The following ACTR3C variants were observed in gnomAD, a reference collection of about 807,000 sequenced individuals.
ACTR3C encodes actin-related protein 3C.
Under a neutral mutation model 26.3 loss-of-function variants are expected in ACTR3C, and 18 were observed. The ratio of observed to expected loss-of-function variants is 0.68; its 90% CI spans 0.47 to 1.01. The LOEUF is 1.01. ACTR3C is among the 50% of genes least tolerant of loss of function. The pLI is 0.00. For synonymous variants in ACTR3C, 55 were observed against 94.5 expected, an observed-to-expected ratio of 0.58 and a Z score of 2.42; for missense variants, 184 against 250.7, an observed-to-expected ratio of 0.73 and a Z score of 1.80.
chr7:150,246,534 T>C (rs1381372736), downstream of ACTR3C: 1 of 152,204 alleles, frequency 6.6e-6, no homozygotes, highest in Non-Finnish European at 1.5e-5. Flanking sequence ...CAACTGTCCA[T>C]GATAATATTT....
chr7:150,205,986 C>T, the ACTR3C span, among the ~76,000 whole-genome samples: 1 of 152,082 alleles, frequency 6.6e-6, no homozygotes, highest in South Asian at 2.1e-4. Context: ...CATTTTCTGT[C>T]ACTTTTACGT....
At chr7:149,949,982 C>T in the ACTR3C span, among the ~76,000 whole-genome samples, 3 of 144,848 alleles carry the variant, frequency 2.1e-5, no homozygotes, top group Non-Finnish European at 4.5e-5. Flanking sequence ...AGCGAGTGCA[C>T]TCCCTGGACA....
chr7:150,102,692 T>A, the ACTR3C span, among the ~76,000 whole-genome samples: 20 of 151,964 alleles, frequency 1.3e-4, no homozygotes, highest in African/African-American at 4.8e-4. Flanking sequence ...TTCTTCAGGT[T>A]CTCTTTCACA....
At chr7:150,310,322 C>T (rs550647553) in intron 1 of ACTR3C, among the ~76,000 whole-genome samples, 1 of 152,256 alleles carries the variant, frequency 6.6e-6, no homozygotes, top group Admixed American at 6.5e-5. Flanking sequence ...ATCACCCTTA[C>T]CCTGCTCAAT....
chr7:150,086,100 C>T, the ACTR3C span, among the ~76,000 whole-genome samples: 1 of 152,110 alleles, frequency 6.6e-6, no homozygotes, highest in Non-Finnish European at 1.5e-5. Flanking sequence ...TCTCGTGCCT[C>T]AGCCTCCCAA....
At chr7:149,914,521 C>T in the ACTR3C span, among the ~76,000 whole-genome samples, 22 of 151,318 alleles carry the variant, frequency 1.5e-4, no homozygotes, top group African/African-American at 4.8e-4. Flanking sequence ...TGAGCCCTGG[C>T]GCCACTGCAC....
At chr7:150,101,932 A>G in the ACTR3C span, among the ~76,000 whole-genome samples, 1 of 151,690 alleles carries the variant, frequency 6.6e-6, no homozygotes, top group African/African-American at 2.4e-5. Flanking sequence ...TATAAACACC[A>G]TCTGTTACAA....
the ACTR3C span, among the ~76,000 whole-genome samples, chr7:150,092,929 C>G: frequency 1.3e-5 from 2 of 151,470 alleles, no homozygotes; most frequent in Non-Finnish European, 2.9e-5. Flanking sequence ...CTGCAGCAGG[C>G]CCTGCAGAAC....
chr7:150,273,306 G>T (rs1404130389), intron 6 of ACTR3C, among the ~76,000 whole-genome samples: 1 of 137,592 alleles, frequency 7.3e-6, no homozygotes, highest in African/African-American at 3.1e-5. Flanking sequence ...GAAATAGGGT[G>T]TCCCTTTGTC....
At chr7:149,906,452 G>A in the ACTR3C span, among the ~76,000 whole-genome samples, 4 of 74,054 alleles carry the variant, frequency 5.4e-5, no homozygotes, top group South Asian at 5.2e-4. Context: ...TTTTTTTTTA[G>A]ATGGAGCCTC....
chr7:150,154,028 A>T, the ACTR3C span, among the ~76,000 whole-genome samples: 4 of 143,244 alleles, frequency 2.8e-5, no homozygotes, highest in Admixed American at 2.2e-4. Context: ...AACAATGAGA[A>T]CGCATGGACA....
the ACTR3C span, among the ~76,000 whole-genome samples, chr7:150,064,818 T>C: frequency 2.6e-5 from 4 of 151,972 alleles, no homozygotes; most frequent in African/African-American, 9.7e-5. Flanking sequence ...GTCTCTAATA[T>C]CAAGGAGAGT....
chr7:149,889,742 G>A, the ACTR3C span, among the ~76,000 whole-genome samples: 4 of 152,192 alleles, frequency 2.6e-5, no homozygotes, highest in South Asian at 2.1e-4. Flanking sequence ...CCTGTGGTCC[G>A]AGCTACTCAG....
At chr7:150,225,926 T>C in the ACTR3C span, among the ~76,000 whole-genome samples, 2 of 152,248 alleles carry the variant, frequency 1.3e-5, no homozygotes, top group African/African-American at 2.4e-5. Flanking sequence ...TTTCAGAATG[T>C]CATATAATGG....
At chr7:150,220,002 G>C in the ACTR3C span, among the ~76,000 whole-genome samples, 1 of 146,838 alleles carries the variant, frequency 6.8e-6, no homozygotes, top group East Asian at 1.9e-4. Context: ...GGTGGCCGGC[G>C]GGAGCGGATG....
chr7:150,086,477 C>T, the ACTR3C span, among the ~76,000 whole-genome samples: 86,311 of 144,528 alleles, frequency 0.6, 24,157 homozygotes, highest in East Asian at 0.82. Flanking sequence ...CTCATCACTT[C>T]GGTAGAATTT....
the ACTR3C span, among the ~76,000 whole-genome samples, chr7:150,020,970 G>T: frequency 1.3e-5 from 2 of 151,862 alleles, no homozygotes; most frequent in Non-Finnish European, 2.9e-5. Flanking sequence ...ACAGGCACCC[G>T]CCACCGTGCA....
At chr7:149,932,813 T>G in the ACTR3C span, among the ~76,000 whole-genome samples, 3 of 151,012 alleles carry the variant, frequency 2.0e-5, no homozygotes, top group Non-Finnish European at 3.0e-5. Flanking sequence ...CAGGCACCTA[T>G]TCTGAGAAGG....
the ACTR3C span, among the ~76,000 whole-genome samples, chr7:149,946,029 G>A: frequency 2.0e-5 from 3 of 152,186 alleles, no homozygotes; most frequent in Non-Finnish European, 2.9e-5. Context: ...AGGCCCAAGC[G>A]AGTGAATCAT....
Sources: gnomAD v4.1 joint callset for allele counts (sites outside exome capture counted in the v4.1 genomes callset) on GRCh38, gnomAD v4.1.1 for gene constraint, MANE v1.5 for transcripts, NCBI Gene and HGNC (gene_info 2026-07-23, HGNC 2026-07-21) for gene names.